RNLS: variants seen among roughly 807,000 people sequenced by gnomAD.
RNLS encodes the protein renalase, FAD dependent amine oxidase, also known as renalase.
A neutral mutation model predicts 39.8 loss-of-function variants in RNLS; 39 were observed. The ratio of observed to expected loss-of-function variants is 0.98; its 90% CI spans 0.76 to 1.28. The LOEUF (loss-of-function observed/expected upper bound fraction) is 1.28, where lower values mean the gene tolerates loss of function less well. RNLS is among the 50% of genes most tolerant of loss of function. The probability of loss-of-function intolerance (pLI) is 0.00; values close to 1 mark genes in which losing one functional copy is unlikely to be tolerated. For synonymous variants in RNLS, 147 were observed against 150.7 expected (o/e 0.98, Z 0.18); for missense variants, 410 against 413.3 (o/e 0.99, Z 0.07).
chr10:88,200,086 A>G, the RNLS span, among the ~76,000 whole-genome samples: 3 of 152,208 alleles, frequency 2.0e-5, no homozygotes, highest in African/African-American at 7.2e-5. Flanking sequence ...ACATGATTGC[A>G]CTACTGCACT....
chr10:88,262,448 G>T, the RNLS span, among the ~76,000 whole-genome samples: 5 of 152,156 alleles, frequency 3.3e-5, no homozygotes, highest in African/African-American at 4.8e-5. Context: ...ACTCAGATCG[G>T]CACCCTCTGT....
the RNLS span, among the ~76,000 whole-genome samples, chr10:88,173,003 CCCA>C: frequency 6.6e-6 from 1 of 151,068 alleles, no homozygotes; most frequent in African/African-American, 2.4e-5. Context: ...ACTACAGGCA[CCCA>C]CCACCACGCC....
chr10:88,449,434 A>T (rs944763270), intron 4 of RNLS, among the ~76,000 whole-genome samples: 3 of 152,220 alleles, frequency 2.0e-5, no homozygotes, highest in Non-Finnish European at 4.4e-5. Context: ...CACCTTCTCT[A>T]GGAAGCTGTT....
At chr10:88,314,356 C>G in intron 6 of RNLS, 110 bp downstream of exon 6, 3 of 1,136,746 alleles carry the variant, frequency 2.6e-6, no homozygotes, top group Non-Finnish European at 3.8e-6. Flanking sequence ...CTCCAAGGAT[C>G]ACATAGTTAA....
chr10:88,579,497 T>C (rs1850405830), intron 3 of RNLS, among the ~76,000 whole-genome samples: 2 of 152,052 alleles, frequency 1.3e-5, no homozygotes, highest in African/African-American at 2.4e-5. Flanking sequence ...AGGCCAGAGA[T>C]AGGAGGGCAG....
At chr10:88,187,517 G>A in the RNLS span, among the ~76,000 whole-genome samples, 12 of 152,244 alleles carry the variant, frequency 7.9e-5, no homozygotes, top group African/African-American at 2.9e-4. Context: ...TGCAGCATTT[G>A]AAAACTGATG....
intron 4 of RNLS, among the ~76,000 whole-genome samples, chr10:88,366,820 C>G (rs1589662368): frequency 6.6e-6 from 1 of 151,738 alleles, no homozygotes; most frequent in Non-Finnish European, 1.5e-5. Context: ...ACCAATTTAC[C>G]TTTTGCACTA....
chr10:88,529,495 A>C (rs1344768810), intron 4 of RNLS, among the ~76,000 whole-genome samples: 1 of 152,150 alleles, frequency 6.6e-6, no homozygotes, highest in African/African-American at 2.4e-5. Flanking sequence ...AATTTTGGTA[A>C]TGAAAAGGAT....
At chr10:88,228,438 C>T in the RNLS span, among the ~76,000 whole-genome samples, 1 of 152,134 alleles carries the variant, frequency 6.6e-6, no homozygotes, top group Non-Finnish European at 1.5e-5. Context: ...CAGAAAGAAC[C>T]CACTTCACAT....
intron 5 of RNLS, among the ~76,000 whole-genome samples, chr10:88,351,939 C>T (rs1014556009): frequency 6.6e-6 from 1 of 152,108 alleles, no homozygotes; most frequent in African/African-American, 2.4e-5. Context: ...AAGTTGGCTT[C>T]CTAGTATTTT....
intron 4 of RNLS, among the ~76,000 whole-genome samples, chr10:88,367,104 T>G (rs1828468350): frequency 6.6e-6 from 1 of 152,062 alleles, no homozygotes; most frequent in South Asian, 2.1e-4. Context: ...AATAGAGGTT[T>G]AACATACATA....
chr10:88,355,565 C>T (rs753653748), intron 5 of RNLS, among the ~76,000 whole-genome samples: 15 of 152,146 alleles, frequency 9.9e-5, no homozygotes, highest in Non-Finnish European at 1.9e-4. Flanking sequence ...CTGATTGTTC[C>T]TGTGGAGGTT....
chr10:88,342,665 A>C (rs1848035837), intron 5 of RNLS, among the ~76,000 whole-genome samples: 1 of 152,196 alleles, frequency 6.6e-6, no homozygotes, highest in African/African-American at 2.4e-5. Context: ...AAATCATAAA[A>C]ATAAAATAGA....
At chr10:88,518,386 A>G (rs1027293009) in intron 4 of RNLS, among the ~76,000 whole-genome samples, 12 of 151,952 alleles carry the variant, frequency 7.9e-5, no homozygotes, top group Admixed American at 3.3e-4. Context: ...AATTCTGTCA[A>G]TACATCAATA....
chr10:88,441,859 G>A (rs933995205), intron 4 of RNLS, among the ~76,000 whole-genome samples: 1 of 152,206 alleles, frequency 6.6e-6, no homozygotes, highest in Non-Finnish European at 1.5e-5. Flanking sequence ...TCTTAATGGG[G>A]TTCCTGAGGA....
the RNLS span, among the ~76,000 whole-genome samples, chr10:88,176,868 ATAG>A: frequency 1.3e-5 from 2 of 152,216 alleles, no homozygotes; most frequent in Non-Finnish European, 2.9e-5. Context: ...TTTGCTAGGA[ATAG>A]TAGTCTTGTT....
chr10:88,576,350 G>A (rs1233968925), intron 3 of RNLS, among the ~76,000 whole-genome samples: 1 of 152,162 alleles, frequency 6.6e-6, no homozygotes, highest in Non-Finnish European at 1.5e-5. Context: ...GATATCAGAA[G>A]TCTAAGAAGG....
chr10:88,454,828 A>C (rs1358345544), intron 4 of RNLS, among the ~76,000 whole-genome samples: 1 of 152,224 alleles, frequency 6.6e-6, no homozygotes, highest in African/African-American at 2.4e-5. Context: ...AGAAGCAAGG[A>C]GAATAGATGA....
At chr10:88,347,521 C>G (rs374693850) in intron 5 of RNLS, among the ~76,000 whole-genome samples, 1 of 152,060 alleles carries the variant, frequency 6.6e-6, no homozygotes, top group East Asian at 1.9e-4. Context: ...TGCAAAGGAA[C>G]CAACCTAAAG....
Sources: allele counts gnomAD v4.1 joint callset (sites outside exome capture counted in the v4.1 genomes callset), GRCh38; gene constraint gnomAD v4.1.1; transcripts MANE v1.5; gene names NCBI Gene and HGNC (gene_info 2026-07-23, HGNC 2026-07-21).